The following UBE2H variants were observed in gnomAD, a reference collection of about 807,000 sequenced individuals.
UBE2H encodes the protein ubiquitin conjugating enzyme E2 H, also known as ubiquitin-conjugating enzyme E2 H.
A neutral mutation model predicts 29.0 loss-of-function variants in UBE2H; 3 were observed. The ratio of observed to expected loss-of-function variants is 0.10; its 90% CI spans 0.05 to 0.27. The LOEUF is 0.27. Ranked by LOEUF, UBE2H falls within the 10% of genes least tolerant of loss-of-function variation. The pLI is 1.00. For synonymous variants in UBE2H, 69 were observed against 82.9 expected (o/e 0.83, Z 0.91); for missense variants, 68 against 228.2 (o/e 0.30, Z 4.52).
At chr7:129,941,047 C>T (rs577207892) in intron 1 of UBE2H, among the ~76,000 whole-genome samples, 3 of 152,206 alleles carry the variant, frequency 2.0e-5, no homozygotes, top group East Asian at 1.9e-4. Context: ...CTCCACCTCC[C>T]GGGTTCAAGC....
intron 1 of UBE2H, 82 bp downstream of exon 1, chr7:129,952,421 C>A: frequency 6.4e-7 from 1 of 1,556,534 alleles, no homozygotes; most frequent in South Asian, 1.1e-5. Flanking sequence ...GCCCCAGGGC[C>A]CTTGCAGTGG....
At chr7:129,950,905 T>C (rs1807861861) in intron 1 of UBE2H, among the ~76,000 whole-genome samples, 1 of 152,174 alleles carries the variant, frequency 6.6e-6, no homozygotes, top group South Asian at 2.1e-4. Flanking sequence ...AGAGTTGATT[T>C]CACTTGCGCC....
intron 1 of UBE2H, among the ~76,000 whole-genome samples, chr7:129,919,907 T>C (rs2116467210): frequency 6.6e-6 from 1 of 152,332 alleles, no homozygotes; most frequent in East Asian, 1.9e-4. Flanking sequence ...GCTGGATAAA[T>C]GATGGTGTGG....
At chr7:129,891,953 C>CTTTTT (rs753851134) in intron 1 of UBE2H, among the ~76,000 whole-genome samples, 74 of 127,116 alleles carry the variant, frequency 5.8e-4, no homozygotes, top group African/African-American at 1.9e-3. Context: ...CATGCTACAC[C>CTTTTT]TTTTTTTTTT....
chr7:129,874,499 C>T (rs187119366), intron 3 of UBE2H, among the ~76,000 whole-genome samples: 37 of 151,890 alleles, frequency 2.4e-4, no homozygotes, highest in Non-Finnish European at 4.7e-4. Flanking sequence ...TTAGTAGAGA[C>T]GGGGTTTCAC....
At chr7:129,838,223 G>C (rs1338051464) in intron 6 of UBE2H, among the ~76,000 whole-genome samples, 4 of 152,144 alleles carry the variant, frequency 2.6e-5, no homozygotes, top group Non-Finnish European at 5.9e-5. Context: ...CTCAACAACA[G>C]CTCCAAACAA....
chr7:129,901,269 G>A (rs1478728344), intron 1 of UBE2H, among the ~76,000 whole-genome samples: 1 of 152,164 alleles, frequency 6.6e-6, no homozygotes, highest in Non-Finnish European at 1.5e-5. Context: ...GTGGAGGGAG[G>A]ACAGGAGCCC....
intron 3 of UBE2H, among the ~76,000 whole-genome samples, chr7:129,877,460 TTGA>T (rs1806167999): frequency 6.6e-6 from 1 of 152,210 alleles, no homozygotes; most frequent in Non-Finnish European, 1.5e-5. Flanking sequence ...AATTACACTG[TTGA>T]TGACCTGAAA....
At chr7:129,919,493 C>G (rs147677758) in intron 1 of UBE2H, among the ~76,000 whole-genome samples, 170 of 152,278 alleles carry the variant, frequency 1.1e-3, no homozygotes, top group African/African-American at 3.7e-3. Flanking sequence ...CAGTCATGAA[C>G]ACTCATTAAG....
At chr7:129,885,484 C>T (rs963810087) in intron 1 of UBE2H, among the ~76,000 whole-genome samples, 6 of 151,834 alleles carry the variant, frequency 4.0e-5, no homozygotes, top group African/African-American at 9.7e-5. Flanking sequence ...TGCGATAAAA[C>T]GAGGTTCCTT....
intron 3 of UBE2H, among the ~76,000 whole-genome samples, chr7:129,878,703 AAAG>A: frequency 6.6e-6 from 1 of 151,372 alleles, no homozygotes; most frequent in African/African-American, 2.4e-5. Context: ...AAAAAAAAAA[AAAG>A]CCCACAGCAG....
rs550159062 is a variant in UBE2H at position 129,900,002 on chromosome 7, C to G, written c.54-19031G>C. On this transcript the variant is annotated intron_variant, in intron 1 of 6. Coordinates refer to ENST00000355621, the MANE Select transcript of UBE2H (RefSeq NM_003344.4). ...AAAACTAGCCAGGTGTGGTGGCACA[C>G]AACTGTAACCCCAGCTACTCGAGAG... Among the ~76,000 whole-genome samples, 15 of 151,910 alleles carry G rather than the reference C, an allele frequency of 9.9e-5. No homozygotes were observed. The South Asian group carries it at 2.3e-3, about 23-fold the overall frequency.
At chr7:129,912,541 C>G (rs745695129) in intron 1 of UBE2H, among the ~76,000 whole-genome samples, 5 of 152,120 alleles carry the variant, frequency 3.3e-5, no homozygotes, top group Admixed American at 6.5e-5. Context: ...ACATCTTATA[C>G]ACATAGTCTG....
At chr7:129,897,502 A>G (rs1314793447) in intron 1 of UBE2H, among the ~76,000 whole-genome samples, 1 of 152,218 alleles carries the variant, frequency 6.6e-6, no homozygotes, top group Non-Finnish European at 1.5e-5. Flanking sequence ...AAAACTTAAA[A>G]AGGGGAAGAG....
intron 1 of UBE2H, among the ~76,000 whole-genome samples, chr7:129,890,353 A>G (rs1359877543): frequency 1.3e-5 from 2 of 151,712 alleles, no homozygotes; most frequent in African/African-American, 2.4e-5. Context: ...ATGTATGTAT[A>G]TATACACATA....
chr7:129,946,993 A>T (rs1807777947), intron 1 of UBE2H, among the ~76,000 whole-genome samples: 1 of 152,174 alleles, frequency 6.6e-6, no homozygotes, highest in Admixed American at 6.6e-5. Context: ...ACCAATGTTT[A>T]AATATATCTA....
chr7:129,843,563 C>T (rs1805463852), intron 5 of UBE2H, among the ~76,000 whole-genome samples: 1 of 152,130 alleles, frequency 6.6e-6, no homozygotes, highest in Non-Finnish European at 1.5e-5. Context: ...GGCACAAGCT[C>T]CCCATGTCTC....
At chr7:129,928,738 A>C (rs1310661697) in intron 1 of UBE2H, among the ~76,000 whole-genome samples, 1 of 152,242 alleles carries the variant, frequency 6.6e-6, no homozygotes, top group African/African-American at 2.4e-5. Context: ...CACATTGAAT[A>C]CATCTATAGA....
At position 129,924,857 on chromosome 7, in the gene UBE2H, C is replaced by T. The variant is rs2116477972; in HGVS notation, c.53+27646G>A. Among the ~76,000 whole-genome samples, 3 of 152,198 alleles carry T rather than the reference C, an allele frequency of 2.0e-5. No individual in the cohort carries two copies. In the East Asian group the frequency reaches 5.8e-4, roughly 29 times the overall value. ...TCCAGGCAGTCTCCTTTCCTCCCAA[C>T]ACTCTGCCTCTCCTCTACCAACCTT... On this transcript the variant is annotated intron_variant, in intron 1 of 6. Transcript: ENST00000355621.
Sources: gnomAD v4.1 joint callset for allele counts (sites outside exome capture counted in the v4.1 genomes callset) on GRCh38, gnomAD v4.1.1 for gene constraint, MANE v1.5 for transcripts, NCBI Gene and HGNC (gene_info 2026-07-23, HGNC 2026-07-21) for gene names.